Variants in DNHD1 observed in about 807,000 individuals in gnomAD.
DNHD1 encodes dynein heavy chain domain 1.
In DNHD1, 383 loss-of-function variants were observed where a neutral mutation model predicts 458.1. The ratio of observed to expected loss-of-function variants is 0.84; its 90% confidence interval spans 0.77 to 0.91. The LOEUF (loss-of-function observed/expected upper bound fraction) is 0.91. DNHD1 is among the 40% of genes least tolerant of loss of function. DNHD1 has a pLI of 0.00. For synonymous variants in DNHD1, 2,203 were observed against 2,376.9 expected, an observed-to-expected ratio of 0.93 and a Z score of 2.13; for missense variants, 5,336 against 5,866.1, an observed-to-expected ratio of 0.91 and a Z score of 2.95.
rs201933727 is a variant in DNHD1, at chr11:6,509,162, T to C, written c.1125T>C (p.Cys375=). Residue 375 remains cysteine (C), a splice_region_variant and synonymous_variant, in exon 6 of 43, where the codon TGT becomes TGC. Transcript: ENST00000254579. ...KYCLLRKSFT[C]WKKNVRLQGL... is the part of the protein sequence containing the mutation. ...ATTATCACTGACCTCTAATTTCTAG[T>C]TGGAAGAAGAATGTGAGATTACAGG... 443 of 1,614,148 alleles carry C rather than the reference T, an allele frequency of 2.7e-4. No individual in the cohort carries two copies. The highest frequency in any genetic ancestry group is 1.1e-4 in the Non-Finnish European group (128 of 1,180,024).
Position 6,498,376 on chromosome 11 carries a change from A to G in DNHD1, c.161A>G (p.Gln54Arg). Residue 54 changes from glutamine (Q) to arginine (R), a missense_variant, in exon 3 of 43, where the codon CAG (glutamine) becomes CGG (arginine). By Grantham distance (43) the Gln-to-Arg change is conservative (BLOSUM62 1). This residue lies in a region of DNHD1 where 3,932 missense variants were observed against 4,365.6 expected (regional missense o/e 0.90). Transcript: ENST00000254579. ...GTGAAGCCAGTGACTGAGTCAGAGC[A>G]GCCCACAGTGCTGGAACTCCTGCTA... ...QFVKPVTESE[Q>R]PTVLELLLAE... 1 of 1,614,228 alleles carries G rather than the reference A, an allele frequency of 6.2e-7. No homozygotes were observed. Among genetic ancestry groups the G allele is most frequent in the Non-Finnish European group, 8.5e-7 (1 of 1,180,044 alleles).
chr11:6,570,374 G>A lies in DNHD1; in HGVS notation c.13083G>A (p.Leu4361=). 1 of 1,610,480 alleles carries A rather than the reference G, an allele frequency of 6.2e-7. No homozygotes were observed. The highest frequency in any genetic ancestry group is 8.5e-7 in the Non-Finnish European group (1 of 1,178,592). Residue 4361 remains leucine (L), a synonymous_variant, in exon 41 of 43, where the codon CTG becomes CTA. Coordinates refer to ENST00000254579, the MANE Select transcript of DNHD1 (RefSeq NM_144666.3). ...AGCCACACACACCTCAGTCTTTGCT[G>A]GCCACGCTCATGCCCCTCCCAGGTA... ...WVQPHTPQSL[L]ATLMPLPELR...
At chr11:6,515,779 ATTTT>A (rs61095437) in intron 7 of DNHD1, among the ~76,000 whole-genome samples, 209 of 108,290 alleles carry the variant, frequency 1.9e-3, no homozygotes, top group African/African-American at 6.4e-3. Flanking sequence ...CTATAGACAC[ATTTT>A]TTTTTTTTTT....
intron 7 of DNHD1, among the ~76,000 whole-genome samples, chr11:6,513,613 T>C (rs543959877): frequency 6.6e-6 from 1 of 152,386 alleles, no homozygotes; most frequent in East Asian, 1.9e-4. Context: ...TTCATTCTTC[T>C]ATTGTGGACA....
At chr11:6,518,265 T>C (rs528254793) in intron 7 of DNHD1, among the ~76,000 whole-genome samples, 4 of 152,304 alleles carry the variant, frequency 2.6e-5, no homozygotes, top group African/African-American at 9.6e-5. Flanking sequence ...TTTCACCATG[T>C]TGCCCAGGCT....
intron 4 of DNHD1, among the ~76,000 whole-genome samples, chr11:6,506,082 T>A (rs925358534): frequency 1.6e-4 from 20 of 121,256 alleles, no homozygotes; most frequent in South Asian, 5.3e-4. Flanking sequence ...AGGGCCAGGA[T>A]CTGCCAAAGA....
intron 7 of DNHD1, among the ~76,000 whole-genome samples, chr11:6,515,294 C>G (rs1852438397): frequency 6.6e-6 from 1 of 152,220 alleles, no homozygotes; most frequent in Non-Finnish European, 1.5e-5. Context: ...GGAAATTTCA[C>G]TCTGATACAA....
In DNHD1 at chr11:6,568,565, C is replaced by T. The variant is rs1383620500; in HGVS notation, c.12650C>T (p.Ala4217Val). The T allele has an allele frequency of 1.9e-6, 3 of 1,613,984 alleles. No homozygotes were observed. Among genetic ancestry groups the T allele is most frequent in the South Asian group, 1.1e-5 (1 of 91,088 alleles). ...CTTATTGTGCCTGCAGAGTCTAGTG[C>T]TTCTTTGCCAGGTGAGGAGCTTAAC... ...LWLIVPAESS[A>V]SLPAVLTQHS... is the part of the protein sequence containing the mutation. The change falls in exon 38 of 43, where the codon GCT becomes GTT. Residue 4217 changes from alanine (A) to valine (V), a missense_variant. Transcript: ENST00000254579.
intron 18 of DNHD1, among the ~76,000 whole-genome samples, chr11:6,543,125 T>C (rs1028657331): frequency 6.6e-6 from 1 of 152,210 alleles, no homozygotes; most frequent in Non-Finnish European, 1.5e-5. Flanking sequence ...AGTCCAGTGC[T>C]GTTTTCTCTA....
Position 6,498,663 on chromosome 11 carries a change from T to C in DNHD1, c.448T>C (p.Cys150Arg). ...LLDSASHADC[C>R]PQKRRLHHRP... ...AGACAGTGCTTCCCATGCTGACTGC[T>C]GTCCCCAGAAGCGGAGGCTCCATCA... is the stretch of plus-strand genomic sequence containing the variant. The change falls in exon 3 of 43, where the codon TGT (cysteine) becomes CGT (arginine). Residue 150 changes from cysteine to arginine, a missense_variant. Cys to Arg is a radical substitution (Grantham distance 180). Transcript: ENST00000254579. 1 of 1,614,216 alleles carries C rather than the reference T, an allele frequency of 6.2e-7. No homozygotes were observed. The highest frequency in any genetic ancestry group is 2.2e-5 in the East Asian group (1 of 44,886).
chr11:6,515,943 A>AC (rs1262852564), intron 7 of DNHD1, among the ~76,000 whole-genome samples: 2 of 151,764 alleles, frequency 1.3e-5, no homozygotes, highest in African/African-American at 4.8e-5. Flanking sequence ...GGGCCACCGT[A>AC]CCTGGCTAAT....
At position 6,565,788 on chromosome 11, in the gene DNHD1, A is replaced by G; in HGVS notation, c.10850A>G (p.Gln3617Arg). 6.4e-7 allele frequency: 1 copy of G among 1,551,720 alleles called. No individual in the cohort carries two copies. The highest frequency in any genetic ancestry group is 1.2e-5 in the South Asian group (1 of 84,060). Residue 3617 changes from glutamine (Q) to arginine (R), a missense_variant, in exon 33 of 43, where the codon CAG becomes CGG. Physicochemically the swap from Gln to Arg is conservative, Grantham distance 43. Transcript: ENST00000254579. ...ESEESNEAEDQTKEQKAEERK... is the reference protein window; with the variant it reads ...ESEESNEAEDRTKEQKAEERK... ...GAAGAGAGTAATGAGGCTGAGGACC[A>G]GACAAAAGAGCAGAAGGCAGAGGAA...
Position 6,528,760 on chromosome 11 carries a change from A to G in DNHD1, c.2076A>G (p.Ala692=). ...ACAACAACCCTAAGATCCAGCAGGC[A>G]CTGAATATACAACAGGTGCTGCTGG... ...DLDNNPKIQQ[A]LNIQQVLLEG... Residue 692 remains alanine (A), a synonymous_variant, in exon 11 of 43, where the codon GCA becomes GCG. Transcript: ENST00000254579. The G allele has an allele frequency of 6.4e-7, 1 of 1,551,738 alleles. No homozygotes were observed. The highest frequency in any genetic ancestry group is 8.7e-7 in the Non-Finnish European group (1 of 1,147,006).
Position 6,498,570 on chromosome 11 carries a change from CA to C in DNHD1, c.358del (p.Thr120ProfsTer8). ...EQLYCWAPWVQTHLHLDLLGA... is the reference protein window; with the variant it reads ...EQLYCWAPWVXTHLHLDLLGA... ...GCTGTACTGCTGGGCACCCTGGGTC[CA>C]AACCCACCTCCATCTGGACCTGCTA... On this transcript the variant is annotated frameshift_variant, in exon 3 of 43. Transcript: ENST00000254579. LOFTEE classifies it high-confidence loss of function. 1 of 1,614,222 alleles carries C rather than the reference CA, an allele frequency of 6.2e-7. No individual in the cohort carries two copies.
At chr11:6,502,711 C>CTT in intron 3 of DNHD1, 42 bp from the exon 4 acceptor site, 1 of 1,533,792 alleles carries the variant, frequency 6.5e-7, no homozygotes, top group East Asian at 2.3e-5. Flanking sequence ...GGTACTTGAC[C>CTT]TTTTTACTCT....
chr11:6,544,948 G>C lies in DNHD1; in HGVS notation c.4009G>C (p.Glu1337Gln). The C allele has an allele frequency of 6.4e-7, 1 of 1,551,742 alleles. No individual in the cohort carries two copies. Among genetic ancestry groups the C allele is most frequent in the Non-Finnish European group, 8.7e-7 (1 of 1,146,986 alleles). ...LQQLLQAGSV[E>Q]LEGIIMSLES... ...ACAACTGCTGCAAGCAGGATCGGTG[G>C]AGCTGGAGGGCATCATCATGAGTCT... The change falls in exon 21 of 43, where the codon GAG becomes CAG. Residue 1337 changes from glutamate (E) to glutamine (Q), a missense_variant. Around this residue, in one of 4 missense-constraint regions of DNHD1, gnomAD observed 3,932 missense variants for 4,365.6 expected, o/e 0.90. Coordinates refer to ENST00000254579, the MANE Select transcript of DNHD1 (RefSeq NM_144666.3).
At chr11:6,523,808 G>A (rs1852652627) in intron 10 of DNHD1, among the ~76,000 whole-genome samples, 1 of 152,046 alleles carries the variant, frequency 6.6e-6, no homozygotes, top group Non-Finnish European at 1.5e-5. Flanking sequence ...GCAACATAGT[G>A]AGACCCTGTC....
Position 6,525,309 on chromosome 11 carries a change from G to T in DNHD1, c.1838-3213G>T, listed in dbSNP as rs532089153. Among the ~76,000 whole-genome samples, 117 of 152,278 alleles carry T rather than the reference G, an allele frequency of 7.7e-4. 1 individual carries two copies. Among genetic ancestry groups the T allele is most frequent in the Admixed American group, 2.2e-3 (33 of 15,290 alleles). On this transcript the variant is annotated intron_variant, in intron 10 of 42. Transcript: ENST00000254579. Reference sequence around the variant, plus strand: ...CTGTCTACCTCTAGCTGTAAGATAGGCTAGGAAATCAAATGGCTGACGTTC... The same window carrying T: ...CTGTCTACCTCTAGCTGTAAGATAGTCTAGGAAATCAAATGGCTGACGTTC...
chr11:6,509,406 A>G (rs1318334939), intron 6 of DNHD1, 134 bp downstream of exon 6: 3 of 722,700 alleles, frequency 4.2e-6, no homozygotes, highest in East Asian at 2.7e-5. Flanking sequence ...ACCAACCACT[A>G]TGAACATTTT....
Sources: gnomAD v4.1 joint callset for allele counts (sites outside exome capture counted in the v4.1 genomes callset) on GRCh38, gnomAD v4.1.1 for gene constraint, gnomAD v4.1.1 regional missense constraint, MANE v1.5 for transcripts, NCBI Gene and HGNC (gene_info 2026-07-23, HGNC 2026-07-21) for gene names.